The following DIPK2A variants were observed in gnomAD, a reference collection of about 807,000 sequenced individuals.
DIPK2A encodes divergent protein kinase domain 2A.
Under a neutral mutation model 39.0 loss-of-function variants are expected in DIPK2A, and 27 were observed. The observed-to-expected ratio is 0.69, with a 90% CI of 0.51 to 0.96. The LOEUF is 0.96. Ranked by LOEUF, DIPK2A falls within the 40% of genes least tolerant of loss-of-function variation. The probability of loss-of-function intolerance (pLI) is 0.00; values close to 1 mark genes in which losing one functional copy is unlikely to be tolerated. For synonymous variants in DIPK2A, 298 were observed against 240.8 expected (o/e 1.24, Z -2.20); for missense variants, 528 against 571.3 (o/e 0.92, Z 0.77).
At chr3:143,975,374 A>G (rs1285458409) in intron 1 of DIPK2A, among the ~76,000 whole-genome samples, 1 of 152,092 alleles carries the variant, frequency 6.6e-6, no homozygotes, top group African/African-American at 2.4e-5. Flanking sequence ...GTTTTCAGAG[A>G]GCCGCTGCTT....
chr3:143,976,058 A>G (rs1413561960), intron 1 of DIPK2A, among the ~76,000 whole-genome samples: 2 of 152,124 alleles, frequency 1.3e-5, no homozygotes, highest in Non-Finnish European at 2.9e-5. Flanking sequence ...GAGGTGAAAG[A>G]CATTAAGTGT....
rs2087651309 is a variant in DIPK2A at position 143,971,946 on chromosome 3, C to A, written c.-387C>A. ...AGACCCCACTTGTCGTGGCTGGCTG[C>A]CGCCGCAGCTCTTGTGCGAAGCCAG... On this transcript the variant is annotated 5_prime_UTR_variant, in exon 1 of 3. Transcript: ENST00000315691. 1 of 208,796 alleles carries A rather than the reference C, an allele frequency of 4.8e-6. No individual in the cohort carries two copies. The highest frequency in any genetic ancestry group is 5.9e-5 in the Admixed American group (1 of 16,862). 12.9% of individuals were successfully genotyped at this position (208,796 alleles called of 1,614,324 possible). A position where few individuals can be genotyped will look rare whatever the true frequency, so the allele number is the denominator to read the frequency against.
intron 2 of DIPK2A, among the ~76,000 whole-genome samples, chr3:143,988,343 T>C (rs1363487707): frequency 6.6e-6 from 1 of 152,110 alleles, no homozygotes; most frequent in Non-Finnish European, 1.5e-5. Flanking sequence ...TAAGCAGTCC[T>C]CCCACCTTGG....
At chr3:143,988,500 C>T (rs557686456) in intron 2 of DIPK2A, among the ~76,000 whole-genome samples, 51 of 152,236 alleles carry the variant, frequency 3.4e-4, no homozygotes, top group African/African-American at 1.1e-3. Flanking sequence ...CTGAATGAAT[C>T]GGCCCACTTC....
intron 2 of DIPK2A, among the ~76,000 whole-genome samples, chr3:143,986,679 T>G (rs201166578): frequency 6.8e-6 from 1 of 147,626 alleles, no homozygotes; most frequent in East Asian, 2.0e-4. Context: ...GAGCCGAGAT[T>G]GCGCCACTGC....
Position 143,989,578 on chromosome 3 carries a change from T to A in DIPK2A, c.1030T>A (p.Ser344Thr). 1 of 1,614,216 alleles carries A rather than the reference T, an allele frequency of 6.2e-7. No homozygotes were observed. The highest frequency in any genetic ancestry group is 8.5e-7 in the Non-Finnish European group (1 of 1,180,022). Residue 344 changes from serine to threonine, a missense_variant, in exon 3 of 3, where the codon TCA (serine) becomes ACA (threonine). This residue lies in a region of DIPK2A where 219 missense variants were observed against 281.5 expected (regional missense o/e 0.78). Coordinates refer to ENST00000315691, the MANE Select transcript of DIPK2A (RefSeq NM_173552.5). Reference protein sequence around the residue: ...FDDCDKEACLSFSKEILCARA... With the variant: ...FDDCDKEACLTFSKEILCARA... ...TGACTGTGATAAGGAGGCTTGCTTA[T>A]CATTTTCAAAAGAAATTCTTTGTGC... is the stretch of plus-strand genomic sequence containing the variant.
rs907407803 is a variant in DIPK2A, at chr3:143,972,103, G to A, written c.-230G>A. ...TCGGAGGGCGGGGAGCTAGGAGGAG[G>A]GAGCTCGAGAGTTGTGGAGACTAGT... On this transcript the variant is annotated 5_prime_UTR_variant, in exon 1 of 3. Transcript: ENST00000315691. 3.0e-5 allele frequency: 12 copies of A among 393,940 alleles called. No homozygotes were observed. The highest frequency in any genetic ancestry group is 2.1e-4 in the African/African-American group (10 of 48,314). 24.4% of individuals were successfully genotyped at this position (393,940 alleles called of 1,614,324 possible). A position where few individuals can be genotyped will look rare whatever the true frequency, so the allele number is the denominator to read the frequency against.
rs1470285386 is a variant in DIPK2A at position 143,972,111 on chromosome 3, A to G, written c.-222A>G. 2 of 397,122 alleles carry G rather than the reference A, an allele frequency of 5.0e-6. No homozygotes were observed. The highest frequency in any genetic ancestry group is 3.6e-5 in the East Asian group (1 of 27,540). 24.6% of individuals were successfully genotyped at this position (397,122 alleles called of 1,614,324 possible). ...CGGGGAGCTAGGAGGAGGGAGCTCG[A>G]GAGTTGTGGAGACTAGTGACTGGGA... On this transcript the variant is annotated 5_prime_UTR_variant, in exon 1 of 3. Coordinates refer to ENST00000315691, the MANE Select transcript of DIPK2A (RefSeq NM_173552.5).
intron 1 of DIPK2A, among the ~76,000 whole-genome samples, chr3:143,983,273 T>C (rs1321574122): frequency 6.6e-6 from 1 of 152,166 alleles, no homozygotes; most frequent in Non-Finnish European, 1.5e-5. Context: ...GAATACACAT[T>C]CTTCTCAGCA....
At chr3:143,987,401 A>G (rs2087919086) in intron 2 of DIPK2A, among the ~76,000 whole-genome samples, 2 of 152,216 alleles carry the variant, frequency 1.3e-5, no homozygotes, top group Non-Finnish European at 2.9e-5. Context: ...CATTTCATAC[A>G]GTGAGCATTG....
At chr3:143,979,806 C>T (rs1406811180) in intron 1 of DIPK2A, among the ~76,000 whole-genome samples, 1 of 152,020 alleles carries the variant, frequency 6.6e-6, no homozygotes, top group Non-Finnish European at 1.5e-5. Flanking sequence ...ATTTTAGATA[C>T]AGCTGTTGGA....
At chr3:143,982,083 C>T (rs955434765) in intron 1 of DIPK2A, among the ~76,000 whole-genome samples, 13 of 152,136 alleles carry the variant, frequency 8.5e-5, no homozygotes, top group East Asian at 1.9e-4. Flanking sequence ...TGTGTGTACA[C>T]GTTTCCAATT....
At chr3:143,981,621 G>A (rs1252466459) in intron 1 of DIPK2A, among the ~76,000 whole-genome samples, 1 of 151,948 alleles carries the variant, frequency 6.6e-6, no homozygotes, top group African/African-American at 2.4e-5. Flanking sequence ...TATATAAACC[G>A]TTACCTTTAT....
rs761249967 is a variant in DIPK2A, at chr3:143,972,950, G to T, written c.618G>T (p.Leu206=). The T allele has an allele frequency of 3.0e-5, 48 of 1,587,978 alleles. No homozygotes were observed. Among genetic ancestry groups the T allele is most frequent in the Non-Finnish European group, 4.0e-5 (47 of 1,170,146 alleles). ...AGGACTCGGAGCGCATGCAGCTGCTGCTGACCCTGGCCTTCAACCCCGAGC... is the reference window on the plus strand; with the variant it reads ...AGGACTCGGAGCGCATGCAGCTGCTTCTGACCCTGGCCTTCAACCCCGAGC... The part of the protein sequence containing the change: ...NLKDSERMQL[L]LTLAFNPEPL... The change falls in exon 1 of 3, where the codon CTG becomes CTT. Residue 206 remains leucine (L), a synonymous_variant. Transcript: ENST00000315691.
chr3:143,983,342 A>T (rs1203483478), intron 1 of DIPK2A, among the ~76,000 whole-genome samples: 2 of 152,222 alleles, frequency 1.3e-5, no homozygotes, highest in Non-Finnish European at 1.5e-5. Flanking sequence ...AAAGAAAATC[A>T]TAACAGTCTC....
intron 2 of DIPK2A, among the ~76,000 whole-genome samples, chr3:143,986,738 A>G (rs868528008): frequency 0.027 from 4,128 of 151,544 alleles, 199 homozygotes; most frequent in African/African-American, 0.094. Context: ...AAAAAAAAAA[A>G]AAAGAAAATT....
intron 1 of DIPK2A, among the ~76,000 whole-genome samples, chr3:143,980,079 G>A (rs1051176944): frequency 2.6e-5 from 4 of 152,066 alleles, no homozygotes; most frequent in African/African-American, 4.8e-5. Flanking sequence ...AATCATCCCC[G>A]TAATTTTACT....
At chr3:143,978,622 C>CTATATATATATATGTATCTA (rs2087769222) in intron 1 of DIPK2A, 1 of 121,644 alleles carries the variant, frequency 8.2e-6, no homozygotes, top group Non-Finnish European at 1.8e-5. Context: ...ATATCTATAT[C>CTATATATATATATGTATCTA]TATATATATA....
chr3:143,987,494 C>A (rs563559416), intron 2 of DIPK2A, among the ~76,000 whole-genome samples: 7 of 152,192 alleles, frequency 4.6e-5, no homozygotes, highest in Non-Finnish European at 1.0e-4. Flanking sequence ...AAGTCTCTGT[C>A]TGTTCATTTA....
Sources: allele counts gnomAD v4.1 joint callset (sites outside exome capture counted in the v4.1 genomes callset), GRCh38; gene constraint gnomAD v4.1.1; regional missense constraint gnomAD v4.1.1; transcripts MANE v1.5; gene names NCBI Gene and HGNC (gene_info 2026-07-23, HGNC 2026-07-21).